Variants in SMARCC1 observed in about 807,000 individuals in gnomAD.
SMARCC1 encodes the protein SWI/SNF related BAF chromatin remodeling complex subunit C1.
SMARCC1 carries 43 observed loss-of-function variants against 147.4 expected under a neutral mutation model. The ratio of observed to expected loss-of-function variants is 0.29; its 90% confidence interval spans 0.23 to 0.38. SMARCC1 has a LOEUF of 0.38. Among genes scored for constraint, SMARCC1 ranks in the 10% least tolerant of loss-of-function variants. The probability of loss-of-function intolerance (pLI) is 1.00; values close to 1 mark genes in which losing one functional copy is unlikely to be tolerated. For missense variants in SMARCC1, 1,119 were observed against 1,381.1 expected (o/e 0.81, Z 3.01); for synonymous variants, 495 against 484.4 (o/e 1.02, Z -0.29).
chr3:47,655,396 C>T (rs548641694), intron 21 of SMARCC1, among the ~76,000 whole-genome samples: 1 of 151,452 alleles, frequency 6.6e-6, no homozygotes, highest in Non-Finnish European at 1.5e-5. Context: ...GAGACACTGT[C>T]TCAAAAAAAA....
intron 21 of SMARCC1, among the ~76,000 whole-genome samples, chr3:47,652,071 G>T (rs2033196915): frequency 6.6e-6 from 1 of 152,020 alleles, no homozygotes; most frequent in Non-Finnish European, 1.5e-5. Context: ...TTGGGCTCAG[G>T]TGATCCTCTC....
At chr3:47,735,880 G>GAA (rs111950490) in intron 5 of SMARCC1, among the ~76,000 whole-genome samples, 154 bp downstream of exon 5, 22 of 76,692 alleles carry the variant, frequency 2.9e-4, no homozygotes, top group East Asian at 4.2e-4. Flanking sequence ...TCTCTAAAAA[G>GAA]AAAAAAAAAA....
chr3:47,720,522 C>T, intron 7 of SMARCC1, 144 bp downstream of exon 7: 2 of 620,620 alleles, frequency 3.2e-6, no homozygotes, highest in East Asian at 2.7e-5. Flanking sequence ...AATAAGAAAA[C>T]AGTCAATAAA....
At chr3:47,708,074 A>ATTTTTTTTTTTTTTTTTTTT (rs1323957181) in intron 9 of SMARCC1, among the ~76,000 whole-genome samples, 1 of 41,624 alleles carries the variant, frequency 2.4e-5, no homozygotes, top group African/African-American at 7.2e-5. Context: ...CTGAAGTTGA[A>ATTTTTTTTTTTTTTTTTTTT]TTTTTTTTCT....
In SMARCC1 at chr3:47,638,749, G is replaced by A; in HGVS notation, c.2352C>T (p.Asp784=). 6.2e-7 allele frequency: 1 copy of A among 1,613,512 alleles called. No homozygotes were observed. Among genetic ancestry groups the A allele is most frequent in the Non-Finnish European group, 8.5e-7 (1 of 1,179,464 alleles). The change falls in exon 22 of 28, where the codon GAC becomes GAT. Residue 784 remains aspartate (D), a synonymous_variant. Coordinates refer to ENST00000254480, the MANE Select transcript of SMARCC1 (RefSeq NM_003074.4). ...EGAEEEKMEA[D]PDGQQPEKAE... is the part of the protein sequence containing the mutation. ...CCTTTTCAGGCTGCTGACCATCAGG[G>A]TCGGCTTCCATTTTTTCCTCTTCAG...
At chr3:47,734,812 C>G (rs2034420741) in intron 5 of SMARCC1, among the ~76,000 whole-genome samples, 1 of 152,210 alleles carries the variant, frequency 6.6e-6, no homozygotes, top group Non-Finnish European at 1.5e-5. Context: ...ACCAGGAGCA[C>G]AGTGGCGCCA....
At position 47,613,385 on chromosome 3, in the gene SMARCC1, CT is replaced by C. The variant is rs200905934; in HGVS notation, c.2782-3059del. Among the ~76,000 whole-genome samples the C allele has an allele frequency of 3.8e-3, 539 of 141,076 alleles. 2 individuals are homozygous for C. The highest frequency in any genetic ancestry group is 0.034 in the East Asian group (167 of 4,936). 92.6% of individuals were successfully genotyped at this position (141,076 alleles called of 152,430 possible). A position where few individuals can be genotyped will look rare whatever the true frequency, so the allele number is the denominator to read the frequency against. On this transcript the variant is annotated intron_variant, in intron 25 of 27. Transcript: ENST00000254480. Reference sequence around the variant, plus strand: ...AAACTGGAAGTAGGAGAACTTTTCTCTTTTTTTTTTTTTTTTGAGACGGAGT... The same window carrying C: ...AAACTGGAAGTAGGAGAACTTTTCTCTTTTTTTTTTTTTTTGAGACGGAGT...
chr3:47,602,518 G>A (rs920629271), intron 26 of SMARCC1, among the ~76,000 whole-genome samples: 2 of 151,950 alleles, frequency 1.3e-5, no homozygotes, highest in Non-Finnish European at 2.9e-5. Flanking sequence ...GGTTGGTCTC[G>A]AACTCCTGAG....
intron 25 of SMARCC1, among the ~76,000 whole-genome samples, chr3:47,614,997 C>T (rs75271577): frequency 6.6e-6 from 1 of 152,182 alleles, no homozygotes; most frequent in East Asian, 1.9e-4. Flanking sequence ...ATACTCCTGC[C>T]TCAGGGCCTC....
intron 9 of SMARCC1, among the ~76,000 whole-genome samples, chr3:47,710,260 G>C (rs568145634): frequency 9.0e-4 from 137 of 152,310 alleles, no homozygotes; most frequent in African/African-American, 3.2e-3. Context: ...AGAGGTTGCA[G>C]TGAGCCGAGA....
At chr3:47,631,409 C>T (rs540848216) in intron 24 of SMARCC1, among the ~76,000 whole-genome samples, 18 of 152,236 alleles carry the variant, frequency 1.2e-4, no homozygotes, top group African/African-American at 4.1e-4. Flanking sequence ...CCTACTACTG[C>T]TGACAAAAAG....
Position 47,602,888 on chromosome 3 carries a change from TC to T in SMARCC1, c.3043+7177del, listed in dbSNP as rs1291731741. ...GGACGGGCTGGGCCTAGTGGCTCAA[TC>T]CTATAGTCCCAGCACTTTGGGAGGC... On this transcript the variant is annotated intron_variant, in intron 26 of 27. Coordinates refer to ENST00000254480, the MANE Select transcript of SMARCC1 (RefSeq NM_003074.4). Among the ~76,000 whole-genome samples the T allele has an allele frequency of 1.6e-4, 25 of 152,218 alleles. No individual in the cohort carries two copies. In the East Asian group the frequency reaches 4.1e-3, roughly 25 times the overall value.
At chr3:47,703,973 T>C (rs1417415345) in intron 10 of SMARCC1, among the ~76,000 whole-genome samples, 1 of 152,116 alleles carries the variant, frequency 6.6e-6, no homozygotes, top group Non-Finnish European at 1.5e-5. Flanking sequence ...ATTTTTTTTG[T>C]ATTTTTAGTA....
At chr3:47,734,345 T>C (rs2034414814) in intron 5 of SMARCC1, among the ~76,000 whole-genome samples, 2 of 152,226 alleles carry the variant, frequency 1.3e-5, no homozygotes, top group African/African-American at 2.4e-5. Flanking sequence ...TATATTACCT[T>C]ACACTTTGAG....
Position 47,610,322 on chromosome 3 carries a change from T to A in SMARCC1, c.2787A>T (p.Glu929Asp), listed in dbSNP as rs768694397. The change falls in exon 26 of 28, where the codon GAA (glutamate) becomes GAT (aspartate). Residue 929 changes from glutamate (E) to aspartate (D), a missense_variant. Physicochemically the swap from Glu to Asp is conservative, Grantham distance 45 (BLOSUM62 2). Around this residue, in one of 6 missense-constraint regions of SMARCC1, gnomAD observed 42 missense variants for 89.4 expected, o/e 0.47. Transcript: ENST00000254480. ...TIMDREKEAL[E>D]QQRQQLLTER... ...CAGTAAGCAACTGCTGCCTCTGTTG[T>A]TCTAGCTGTAAGCAAAGGAAGTGGA... The A allele has an allele frequency of 2.5e-6, 4 of 1,614,188 alleles. No individual in the cohort carries two copies. The highest frequency in any genetic ancestry group is 3.4e-6 in the Non-Finnish European group (4 of 1,180,034).
intron 6 of SMARCC1, among the ~76,000 whole-genome samples, chr3:47,725,032 C>CAAAAA (rs35548192): frequency 0.012 from 387 of 31,410 alleles, 34 homozygotes; most frequent in East Asian, 0.037. Context: ...ACTGTCTCCA[C>CAAAAA]AAAAAAAAAA....
Position 47,772,888 on chromosome 3 carries a change from C to G in SMARCC1, c.244G>C (p.Val82Leu), listed in dbSNP as rs2034931776. Residue 82 changes from valine (V) to leucine (L), a missense_variant, in exon 2 of 28, where the codon GTG becomes CTG. Physicochemically the swap from Val to Leu is conservative, Grantham distance 32. Coordinates refer to ENST00000254480, the MANE Select transcript of SMARCC1 (RefSeq NM_003074.4). The part of the protein sequence containing the change: ...PTNKTLAGLV[V>L]QLLQFQEDAF... ...TCTTCCTGGAACTGAAGAAGCTGCACCACCAGCCCAGCCAGTGTTTTATTG... is the reference window on the plus strand; with the variant it reads ...TCTTCCTGGAACTGAAGAAGCTGCAGCACCAGCCCAGCCAGTGTTTTATTG... The G allele has an allele frequency of 6.2e-7, 1 of 1,613,368 alleles. No individual in the cohort carries two copies. The highest frequency in any genetic ancestry group is 8.5e-7 in the Non-Finnish European group (1 of 1,179,620).
chr3:47,761,287 G>GC (rs1463574272), intron 2 of SMARCC1, among the ~76,000 whole-genome samples: 2 of 151,682 alleles, frequency 1.3e-5, no homozygotes, highest in African/African-American at 4.8e-5. Flanking sequence ...GGGTGACAGA[G>GC]CAAGGCAGTA....
intron 20 of SMARCC1, among the ~76,000 whole-genome samples, chr3:47,661,756 A>T (rs777421214): frequency 1.4e-4 from 22 of 152,116 alleles, no homozygotes; most frequent in Non-Finnish European, 2.6e-4. Context: ...TGCTTACTAG[A>T]TTAATAAGTC....
Sources: gnomAD v4.1 joint callset for allele counts (sites outside exome capture counted in the v4.1 genomes callset) on GRCh38, gnomAD v4.1.1 for gene constraint, gnomAD v4.1.1 regional missense constraint, MANE v1.5 for transcripts, NCBI Gene and HGNC (gene_info 2026-07-23, HGNC 2026-07-21) for gene names.